The following NHS variants were observed in gnomAD, a reference collection of about 807,000 sequenced individuals.
NHS encodes actin remodeling regulator NHS.
NHS carries 5 observed loss-of-function variants against 72.5 expected under a neutral mutation model. The ratio of observed to expected loss-of-function variants is 0.07; its 90% CI spans 0.04 to 0.14. The LOEUF (loss-of-function observed/expected upper bound fraction) is 0.14, where lower values mean the gene tolerates loss of function less well. Ranked by LOEUF, NHS falls within the 10% of genes least tolerant of loss-of-function variation. NHS has a pLI of 1.00. For missense variants in NHS, 1,072 were observed against 1,355.7 expected (o/e 0.79, Z 3.29); for synonymous variants, 464 against 547.7 (o/e 0.85, Z 2.13).
intron 1 of NHS, among the ~76,000 whole-genome samples, chrX:17,470,260 T>G (rs1305904313): frequency 9.0e-6 from 1 of 110,969 alleles, no homozygotes. Context: ...GGCTTCCCCC[T>G]GCTCCCTTAA....
At position 17,687,400 on chromosome X, in the gene NHS, C is replaced by T. The variant is rs779939426; in HGVS notation, c.566-342C>T. The stretch of plus-strand genomic sequence containing the variant: ...CTCCACATTTTTCAGAAACAGGACC[C>T]CCATCTCCACCCCCAAGCAGGCTAG... On this transcript the variant is annotated intron_variant, in intron 1 of 8. Coordinates refer to ENST00000676302, the MANE Select transcript of NHS (RefSeq NM_001291867.2). 85 of 258,131 alleles carry T rather than the reference C, an allele frequency of 3.3e-4. No individual in the cohort carries two copies. The Middle Eastern group carries it at 5.2e-3, about 16-fold the overall frequency. The allele number at this position is 258,131 out of a possible 1,213,427, so 21.3% of individuals were successfully genotyped here.
intron 1 of NHS, among the ~76,000 whole-genome samples, chrX:17,580,912 T>G (rs1235643081): frequency 1.8e-5 from 2 of 112,474 alleles, no homozygotes; most frequent in Non-Finnish European, 3.8e-5. Flanking sequence ...TGAACTTTAA[T>G]GGGCAACCTT....
At chrX:17,456,028 G>C (rs1236080053) in intron 1 of NHS, among the ~76,000 whole-genome samples, 1 of 111,747 alleles carries the variant, frequency 8.9e-6, no homozygotes, top group African/African-American at 3.3e-5. Context: ...TTTACAAAGG[G>C]GCTGTGAGGT....
At chrX:17,548,746 A>T (rs763194958) in intron 1 of NHS, among the ~76,000 whole-genome samples, 2 of 111,936 alleles carry the variant, frequency 1.8e-5, no homozygotes, top group South Asian at 7.6e-4. Context: ...ACAGCCTCAG[A>T]GGACTCACAG....
Position 17,513,270 on chromosome X carries a change from C to T in NHS, c.565+136948C>T, listed in dbSNP as rs938817901. Among the ~76,000 whole-genome samples, 2 of 111,920 alleles carry T rather than the reference C, an allele frequency of 1.8e-5. 1 individual carries two copies. Among genetic ancestry groups the T allele is most frequent in the African/African-American group, 6.5e-5 (2 of 30,798 alleles). ...TATGAGCTCAGTGCATTCTTAATTT[C>T]CCATGGTAGGTTACAAATGGGCTCT... is the stretch of plus-strand genomic sequence containing the variant. On this transcript the variant is annotated intron_variant, in intron 1 of 8. Coordinates refer to ENST00000676302, the MANE Select transcript of NHS (RefSeq NM_001291867.2).
intron 1 of NHS, among the ~76,000 whole-genome samples, chrX:17,424,225 G>A (rs1460051390): frequency 8.9e-6 from 1 of 112,088 alleles, no homozygotes; most frequent in African/African-American, 3.2e-5. Flanking sequence ...CAAGCTGAGG[G>A]ACAAATGCTC....
At chrX:17,623,002 A>G (rs940431988) in intron 1 of NHS, among the ~76,000 whole-genome samples, 2 of 111,152 alleles carry the variant, frequency 1.8e-5, no homozygotes, top group Admixed American at 1.9e-4. Context: ...ATCATAGCTC[A>G]CTGCAGCTTC....
intron 1 of NHS, among the ~76,000 whole-genome samples, chrX:17,407,645 G>A (rs1297368211): frequency 8.9e-6 from 1 of 112,045 alleles, no homozygotes; most frequent in Non-Finnish European, 1.9e-5. Flanking sequence ...GCTGAATGGT[G>A]TGCTTCATTC....
At position 17,574,263 on chromosome X, in the gene NHS, G is replaced by A. The variant is rs1296324871; in HGVS notation, c.566-113479G>A. Among the ~76,000 whole-genome samples the A allele has an allele frequency of 6.2e-5, 7 of 112,588 alleles. No homozygotes were observed. In the Admixed American group the frequency reaches 6.5e-4, roughly 10 times the overall value. Reference sequence around the variant, plus strand: ...CTGGAGAAGCTGTCTGCTGCCTTTTGTTCAGATATGCCCTGCCCCCAGAGG... The same window carrying A: ...CTGGAGAAGCTGTCTGCTGCCTTTTATTCAGATATGCCCTGCCCCCAGAGG... On this transcript the variant is annotated intron_variant, in intron 1 of 8. Transcript: ENST00000676302.
chrX:17,430,275 CT>C, intron 1 of NHS, among the ~76,000 whole-genome samples: 1 of 65,929 alleles, frequency 1.5e-5, no homozygotes, highest in Non-Finnish European at 2.6e-5. Context: ...TTCTTTCTTT[CT>C]TTCTTTCTTT....
chrX:17,563,221 A>G (rs991744329), intron 1 of NHS, among the ~76,000 whole-genome samples: 1 of 112,871 alleles, frequency 8.9e-6, no homozygotes, highest in African/African-American at 3.2e-5. Context: ...TCCATCTGCC[A>G]TGCCTAAATA....
intron 1 of NHS, among the ~76,000 whole-genome samples, chrX:17,514,648 T>A (rs184375722): frequency 8.0e-5 from 9 of 111,892 alleles, no homozygotes. Context: ...CCTTCATCTA[T>A]ACATATATCT....
Position 17,376,299 on chromosome X carries a change from T to C in NHS, c.542T>C (p.Leu181Pro). ...LGGVQRVLST[L>P]DPKQEAVPVS... ...GGCGTGCAGCGCGTCCTCAGCACGC[T>C]TGACCCTAAGCAGGAGGCAGTGCGT... The change falls in exon 1 of 9, where the codon CTT (leucine) becomes CCT (proline). Residue 181 changes from leucine to proline, a missense_variant. By Grantham distance (98) the Leu-to-Pro change is moderately conservative. Transcript: ENST00000676302. The C allele has an allele frequency of 8.7e-7, 1 of 1,155,915 alleles. No individual in the cohort carries two copies. Among genetic ancestry groups the C allele is most frequent in the Non-Finnish European group, 1.1e-6 (1 of 872,950 alleles).
rs781234738 is a variant in NHS at position 17,643,040 on chromosome X, T to A, written c.566-44702T>A. On this transcript the variant is annotated intron_variant, in intron 1 of 8. Transcript: ENST00000676302. ...GTTGGGGGAAACCAGGATGGTAATGTTAAAAGTAATTTAATGACTCATGTG... is the reference window on the plus strand; with the variant it reads ...GTTGGGGGAAACCAGGATGGTAATGATAAAAGTAATTTAATGACTCATGTG... Among the ~76,000 whole-genome samples, 4 of 112,104 alleles carry A rather than the reference T, an allele frequency of 3.6e-5. 1 individual carries two copies. In the South Asian group the frequency reaches 1.5e-3, roughly 42 times the overall value.
chrX:17,669,481 G>A (rs2066031656), intron 1 of NHS, among the ~76,000 whole-genome samples: 1 of 112,050 alleles, frequency 8.9e-6, no homozygotes, highest in Non-Finnish European at 1.9e-5. Flanking sequence ...GGGACTTAAA[G>A]ATTTCATCTT....
chrX:17,571,053 G>A (rs1240931363), intron 1 of NHS, among the ~76,000 whole-genome samples: 1 of 111,942 alleles, frequency 8.9e-6, no homozygotes, highest in Non-Finnish European at 1.9e-5. Flanking sequence ...TTTTTGATGC[G>A]CTGCTGGATT....
chrX:17,667,901 A>T lies in NHS; in HGVS notation c.566-19841A>T, dbSNP rs1466086804. Among the ~76,000 whole-genome samples the T allele has an allele frequency of 5.5e-5, 6 of 109,820 alleles. No homozygotes were observed. In the Admixed American group the frequency reaches 5.8e-4, roughly 11 times the overall value. ...ATGGACAGTCTCCCAGCTCCCCTGC[A>T]CCAATCAGTGGTTCCACATCAGACT... On this transcript the variant is annotated intron_variant, in intron 1 of 8. Transcript: ENST00000676302.
intron 1 of NHS, among the ~76,000 whole-genome samples, chrX:17,656,632 C>A (rs1283381957): frequency 8.9e-6 from 1 of 112,296 alleles, no homozygotes; most frequent in Non-Finnish European, 1.9e-5. Context: ...TTTCAGGGGT[C>A]TTTTATTATT....
chrX:17,591,524 C>G (rs1293444444), intron 1 of NHS, among the ~76,000 whole-genome samples: 1 of 111,952 alleles, frequency 8.9e-6, no homozygotes, highest in East Asian at 2.8e-4. Context: ...GAATCCTCCA[C>G]CCTGCCCTTA....
Sources: allele counts gnomAD v4.1 joint callset (sites outside exome capture counted in the v4.1 genomes callset), GRCh38; gene constraint gnomAD v4.1.1; transcripts MANE v1.5; gene names NCBI Gene and HGNC (gene_info 2026-07-23, HGNC 2026-07-21).